Variants in FAM9C observed in about 807,000 individuals in gnomAD.
The protein encoded by FAM9C is protein FAM9C.
A neutral mutation model predicts 14.8 loss-of-function variants in FAM9C; 15 were observed. The ratio of observed to expected loss-of-function variants is 1.02; its 90% confidence interval spans 0.68 to 1.56. FAM9C has a LOEUF of 1.56. Ranked by LOEUF, FAM9C falls within the 40% of genes most tolerant of loss-of-function variation. The pLI is 0.00. For missense variants in FAM9C, 116 were observed against 118.0 expected (o/e 0.98, Z 0.08); for synonymous variants, 45 against 37.5 (o/e 1.20, Z -0.74).
intron 4 of FAM9C, 87 bp from the exon 5 acceptor site, chrX:13,040,959 T>G (rs771416437): frequency 4.5e-6 from 2 of 443,134 alleles, no homozygotes; most frequent in Admixed American, 1.1e-4. Flanking sequence ...ACTTGATGGT[T>G]CAGCAATATC....
At position 13,043,387 on chromosome X, in the gene FAM9C, G is replaced by A; in HGVS notation, c.62-139C>T. The A allele has an allele frequency of 1.6e-5, 14 of 858,458 alleles. 1 individual carries two copies. The highest frequency in any genetic ancestry group is 3.2e-5 in the East Asian group (1 of 30,796). 70.7% of individuals were successfully genotyped at this position (858,458 alleles called of 1,213,427 possible). Reference sequence around the variant, plus strand: ...TTACCGCAGAGCTATACATGGAATCGCCGGCTCCTAACCATTTTACGGAGG... The same window carrying A: ...TTACCGCAGAGCTATACATGGAATCACCGGCTCCTAACCATTTTACGGAGG... On this transcript the variant is annotated intron_variant, in intron 2 of 7. Coordinates refer to ENST00000380625, the MANE Select transcript of FAM9C (RefSeq NM_174901.6).
At chrX:13,039,662 T>C in intron 6 of FAM9C, 146 bp downstream of exon 6, 2 of 945,870 alleles carry the variant, frequency 2.1e-6, no homozygotes, top group Middle Eastern at 2.9e-4. Flanking sequence ...GCATGGCAAT[T>C]ATATTCCCCT....
chrX:13,037,398 T>G (rs909462844), intron 7 of FAM9C: 2 of 112,792 alleles, frequency 1.8e-5, no homozygotes, highest in African/African-American at 6.5e-5. Flanking sequence ...CCGAAGTTCC[T>G]ACCCTAAGTG....
rs748879259 is a variant in FAM9C at position 13,044,321 on chromosome X, A to ACCCC, written c.-69+215_-69+218dup. 1.6e-3 allele frequency among the ~76,000 whole-genome samples: 126 copies of ACCCC among 76,770 alleles called. 1 individual carries two copies. The highest frequency in any genetic ancestry group is 6.8e-3 in the East Asian group (15 of 2,219). 66.7% of individuals were successfully genotyped at this position (76,770 alleles called of 115,157 possible). ...AAGACGGACCCACGTTGACCCCCCGACCCCCCCCCAAACGCTGCACACATG... is the reference window on the plus strand; with the variant it reads ...AAGACGGACCCACGTTGACCCCCCGACCCCCCCCCCCCCAAACGCTGCACACATG... On this transcript the variant is annotated intron_variant, in intron 1 of 7. Coordinates refer to ENST00000380625, the MANE Select transcript of FAM9C (RefSeq NM_174901.6).
At chrX:13,043,377 A>C in intron 2 of FAM9C, 129 bp from the exon 3 acceptor site, 1 of 914,831 alleles carries the variant, frequency 1.1e-6, no homozygotes, top group Non-Finnish European at 1.5e-6. Context: ...GCAGAGCTAT[A>C]CATGGAATCG....
chrX:13,043,334 C>CT (rs1473238449), intron 2 of FAM9C, 86 bp from the exon 3 acceptor site: 2 of 1,084,192 alleles, frequency 1.8e-6, no homozygotes, highest in South Asian at 2.4e-5. Context: ...TATTTGTAGA[C>CT]TTTTTTGGCT....
At position 13,035,869 on chromosome X, in the gene FAM9C, T is replaced by C. The variant is rs1259873701; in HGVS notation, c.*175A>G. 8.9e-6 allele frequency: 1 copy of C among 112,158 alleles called. No individual in the cohort carries two copies. The highest frequency in any genetic ancestry group is 1.9e-5 in the Non-Finnish European group (1 of 53,143). 9.2% of individuals were successfully genotyped at this position (112,158 alleles called of 1,213,427 possible). ...ACTAATAATAGAAGAGATATACTAA[T>C]TTATACAAGAATTAACTAAACACTG... On this transcript the variant is annotated 3_prime_UTR_variant, in exon 8 of 8. Transcript: ENST00000380625.
At chrX:13,040,573 T>G (rs1011174606) in intron 5 of FAM9C, 185 bp downstream of exon 5, 4 of 320,505 alleles carry the variant, frequency 1.2e-5, no homozygotes, top group Non-Finnish European at 2.1e-5. Flanking sequence ...CTAGGTAATA[T>G]CTCTCAATTC....
intron 5 of FAM9C, 32 bp from the exon 6 acceptor site, chrX:13,039,948 G>A (rs746537538): frequency 2.2e-5 from 24 of 1,081,324 alleles, no homozygotes; most frequent in African/African-American, 1.3e-4. Context: ...AAGGTCATAC[G>A]TCATAGAGGG....
Position 13,035,773 on chromosome X carries a change from T to C in FAM9C, c.*271A>G, listed in dbSNP as rs2043476087. 8.9e-6 allele frequency: 1 copy of C among 112,641 alleles called. No homozygotes were observed. The highest frequency in any genetic ancestry group is 3.6e-4 in the South Asian group (1 of 2,764). 9.3% of individuals were successfully genotyped at this position (112,641 alleles called of 1,213,427 possible). On this transcript the variant is annotated 3_prime_UTR_variant, in exon 8 of 8. Transcript: ENST00000380625. Reference sequence around the variant, plus strand: ...ACTGTGTATGTAACTGTGCAATTGCTGCTTTCTCACAGAACTGTCTAGGGT... The same window carrying C: ...ACTGTGTATGTAACTGTGCAATTGCCGCTTTCTCACAGAACTGTCTAGGGT...
At chrX:13,041,126 G>T in intron 4 of FAM9C, 1 of 183,066 alleles carries the variant, frequency 5.5e-6, no homozygotes, top group Non-Finnish European at 1.0e-5. Context: ...ATAATTAAAA[G>T]TTTCTATTTT....
intron 3 of FAM9C, 54 bp from the exon 4 acceptor site, chrX:13,043,003 G>C: frequency 8.6e-7 from 1 of 1,168,193 alleles, no homozygotes; most frequent in African/African-American, 1.8e-5. Context: ...AAAAGGCCTT[G>C]TTTGTTGGGA....
intron 4 of FAM9C, chrX:13,042,185 G>A: frequency 8.9e-6 from 1 of 112,156 alleles, no homozygotes; most frequent in Admixed American, 9.4e-5. Flanking sequence ...GGATCCAATT[G>A]TATGCTTCTC....
In FAM9C at chrX:13,042,883, AT is replaced by A. The variant is rs1469780704; in HGVS notation, c.214+34del. The A allele has an allele frequency of 4.1e-6, 5 of 1,205,196 alleles. No homozygotes were observed. The Admixed American group carries it at 8.8e-5, about 21-fold the overall frequency. On this transcript the variant is annotated intron_variant, in intron 4 of 7. Transcript: ENST00000380625. Reference sequence around the variant, plus strand: ...TGTAAGGGTTGTATGGTTGAAAACAATTTTCATAAACCACAAATAGCTCGTA... The same window carrying A: ...TGTAAGGGTTGTATGGTTGAAAACAATTTCATAAACCACAAATAGCTCGTA...
chrX:13,038,131 C>A (rs1176925404), intron 7 of FAM9C: 2 of 182,622 alleles, frequency 1.1e-5, no homozygotes, highest in African/African-American at 3.0e-5. Flanking sequence ...AATTTTTATA[C>A]ACAAGATGTA....
chrX:13,043,847 G>C lies in FAM9C; in HGVS notation c.-58C>G. On this transcript the variant is annotated 5_prime_UTR_variant, in exon 2 of 8. Coordinates refer to ENST00000380625, the MANE Select transcript of FAM9C (RefSeq NM_174901.6). ...CTGACTGGCCTGGGAAGCTAGAGGC[G>C]ACCTCTGAACCTGGTGAGTGCAAAG... 8.9e-7 allele frequency: 1 copy of C among 1,120,153 alleles called. No homozygotes were observed. The highest frequency in any genetic ancestry group is 2.2e-5 in the Admixed American group (1 of 45,535). The allele number at this position is 1,120,153 out of a possible 1,213,427, so 92.3% of individuals were successfully genotyped here.
At position 13,035,699 on chromosome X, in the gene FAM9C, C is replaced by T. The variant is rs2043475626; in HGVS notation, c.*345G>A. 1 of 112,453 alleles carries T rather than the reference C, an allele frequency of 8.9e-6. No homozygotes were observed. The highest frequency in any genetic ancestry group is 9.4e-5 in the Admixed American group (1 of 10,634). 9.3% of individuals were successfully genotyped at this position (112,453 alleles called of 1,213,427 possible). ...ACATTTTGGAACTGATACAGATCCA[C>T]AGAGGCCAAACCTAAAACTAAATTA... On this transcript the variant is annotated 3_prime_UTR_variant, in exon 8 of 8. Coordinates refer to ENST00000380625, the MANE Select transcript of FAM9C (RefSeq NM_174901.6).
intron 6 of FAM9C, among the ~76,000 whole-genome samples, chrX:13,038,899 C>A (rs766044432): frequency 1.8e-5 from 2 of 111,587 alleles, no homozygotes; most frequent in African/African-American, 6.5e-5. Flanking sequence ...CATAGATAAA[C>A]CTTCCATTAA....
In FAM9C at chrX:13,039,829, A is replaced by G; in HGVS notation, c.417T>C (p.Asp139=). Residue 139 remains aspartate (D), a synonymous_variant, in exon 6 of 8, where the codon GAT becomes GAC. Transcript: ENST00000380625. ...ITDEQKDEEG[D]GEKEEQIKIF... is the part of the protein sequence containing the mutation. Reference sequence around the variant, plus strand: ...CAACAATTTGTTCTTCCTTTTCTCCATCTCCTTCCTCATCTTTCTGCTCAT... The same window carrying G: ...CAACAATTTGTTCTTCCTTTTCTCCGTCTCCTTCCTCATCTTTCTGCTCAT... 1 of 1,208,048 alleles carries G rather than the reference A, an allele frequency of 8.3e-7. No individual in the cohort carries two copies.
Sources: gnomAD v4.1 joint callset for allele counts (sites outside exome capture counted in the v4.1 genomes callset) on GRCh38, gnomAD v4.1.1 for gene constraint, MANE v1.5 for transcripts, NCBI Gene and HGNC (gene_info 2026-07-23, HGNC 2026-07-21) for gene names.